Variants in DENND6A observed in about 807,000 individuals in gnomAD.
DENND6A encodes the protein DENN domain containing 6A.
DENND6A carries 43 observed loss-of-function variants against 95.5 expected under a neutral mutation model. That is an observed-to-expected ratio of 0.45 (90% CI 0.35 to 0.58). DENND6A has a LOEUF of 0.58. DENND6A is among the 20% of genes least tolerant of loss of function. The pLI is 0.00. For synonymous variants in DENND6A, 257 were observed against 260.4 expected (o/e 0.99, Z 0.13); for missense variants, 574 against 736.0 (o/e 0.78, Z 2.55).
At chr3:57,662,185 C>CTTT (rs60063768) in intron 5 of DENND6A, among the ~76,000 whole-genome samples, 1,030 of 79,122 alleles carry the variant, frequency 0.013, 40 homozygotes, top group Middle Eastern at 0.057. Context: ...TTTCTTTTTT[C>CTTT]TTTTTTTTTT....
chr3:57,650,051 C>T (rs2071170175), intron 9 of DENND6A, among the ~76,000 whole-genome samples: 1 of 151,938 alleles, frequency 6.6e-6, no homozygotes, highest in Admixed American at 6.6e-5. Context: ...GAAAACCAAA[C>T]ATCATATGTT....
rs1231541217 is a variant in DENND6A, at chr3:57,668,457, GCC to G, written c.320-2224_320-2223del. ...TCCTTGGGCACTCATCACAGCTTAA[GCC>G]TCAGGAACACCTACATCCAGATGAT... On this transcript the variant is annotated intron_variant, in intron 3 of 19. Transcript: ENST00000311128. Among the ~76,000 whole-genome samples the G allele has an allele frequency of 4.1e-3, 631 of 152,230 alleles. 5 individuals are homozygous for G. The highest frequency in any genetic ancestry group is 0.015 in the African/African-American group (612 of 41,544).
At chr3:57,688,215 C>T (rs953798848) in intron 1 of DENND6A, among the ~76,000 whole-genome samples, 1 of 151,954 alleles carries the variant, frequency 6.6e-6, no homozygotes, top group East Asian at 1.9e-4. Flanking sequence ...ACGGCGGTCT[C>T]GAACTCCTGA....
intron 1 of DENND6A, 75 bp downstream of exon 1, chr3:57,692,707 C>G: frequency 2.3e-6 from 3 of 1,319,880 alleles, no homozygotes; most frequent in African/African-American, 1.6e-5. Context: ...CCGGTCAGCC[C>G]GCGGGCCGCT....
At chr3:57,650,687 G>T (rs2071189613) in intron 9 of DENND6A, among the ~76,000 whole-genome samples, 1 of 152,030 alleles carries the variant, frequency 6.6e-6, no homozygotes, top group African/African-American at 2.4e-5. Flanking sequence ...ATACACAAAT[G>T]TGGACAGTAG....
chr3:57,630,348 C>G, intron 18 of DENND6A, 73 bp downstream of exon 18: 3 of 1,350,036 alleles, frequency 2.2e-6, no homozygotes, highest in Middle Eastern at 2.1e-4. Flanking sequence ...AGGGTACAAT[C>G]TTCAACTTCT....
chr3:57,628,539 T>C (rs1055156854), intron 19 of DENND6A, among the ~76,000 whole-genome samples, 194 bp from the exon 20 acceptor site: 28 of 152,214 alleles, frequency 1.8e-4, no homozygotes, highest in African/African-American at 6.5e-4. Flanking sequence ...AAGGCTTCTA[T>C]GTAAATTCAT....
At position 57,659,300 on chromosome 3, in the gene DENND6A, C is replaced by G. The variant is rs1313513527; in HGVS notation, c.700-120G>C. ...AAAAAAGCTACAAAAACAAAATTATCTATGTCAGAGTTAAAAACTAAGGTC... is the reference window on the plus strand; with the variant it reads ...AAAAAAGCTACAAAAACAAAATTATGTATGTCAGAGTTAAAAACTAAGGTC... On this transcript the variant is annotated intron_variant, in intron 7 of 19. Coordinates refer to ENST00000311128, the MANE Select transcript of DENND6A (RefSeq NM_152678.3). 1.9e-5 allele frequency: 19 copies of G among 994,334 alleles called. No individual in the cohort carries two copies. The East Asian group carries it at 3.0e-4, about 16-fold the overall frequency. The allele number at this position is 994,334 out of a possible 1,614,324, so 61.6% of individuals were successfully genotyped here.
At chr3:57,678,005 A>T (rs1357878584) in intron 1 of DENND6A, among the ~76,000 whole-genome samples, 8 of 152,180 alleles carry the variant, frequency 5.3e-5, no homozygotes, top group Non-Finnish European at 1.2e-4. Flanking sequence ...TGAACTACTC[A>T]GCCATTTTTG....
intron 3 of DENND6A, among the ~76,000 whole-genome samples, chr3:57,671,953 T>C (rs2071624741): frequency 6.6e-6 from 1 of 152,196 alleles, no homozygotes; most frequent in East Asian, 1.9e-4. Flanking sequence ...ACATACTATA[T>C]AAACTATTTA....
intron 1 of DENND6A, among the ~76,000 whole-genome samples, chr3:57,684,769 A>T (rs745568785): frequency 1.1e-4 from 16 of 152,168 alleles, no homozygotes; most frequent in Non-Finnish European, 2.1e-4. Context: ...TCTCAAATAA[A>T]TAAATAAAGT....
intron 12 of DENND6A, 46 bp from the exon 13 acceptor site, chr3:57,634,815 A>T (rs377181204): frequency 2.0e-5 from 28 of 1,425,498 alleles, no homozygotes; most frequent in Non-Finnish European, 2.6e-5. Flanking sequence ...CTAATCATAC[A>T]TATTACAAAA....
chr3:57,653,710 C>T (rs1049416941), intron 9 of DENND6A, among the ~76,000 whole-genome samples: 2 of 146,602 alleles, frequency 1.4e-5, no homozygotes, highest in African/African-American at 5.1e-5. Flanking sequence ...CGCACCACTG[C>T]ACTCCGGCCT....
At chr3:57,649,667 T>C (rs1267038459) in intron 9 of DENND6A, among the ~76,000 whole-genome samples, 1 of 147,676 alleles carries the variant, frequency 6.8e-6, no homozygotes, top group African/African-American at 2.5e-5. Context: ...GTTGTATGTG[T>C]GTATATATAT....
At chr3:57,631,427 C>T (rs1335809286) in intron 15 of DENND6A, among the ~76,000 whole-genome samples, 1 of 152,144 alleles carries the variant, frequency 6.6e-6, no homozygotes, top group African/African-American at 2.4e-5. Context: ...AACTCCTGAC[C>T]TCATGATCCA....
intron 3 of DENND6A, among the ~76,000 whole-genome samples, chr3:57,671,608 C>T (rs1187792618): frequency 2.0e-5 from 3 of 151,988 alleles, no homozygotes; most frequent in African/African-American, 7.2e-5. Flanking sequence ...TGTGTGTGGC[C>T]TGAGAAGCTA....
intron 1 of DENND6A, among the ~76,000 whole-genome samples, chr3:57,691,299 A>G (rs1022549827): frequency 6.6e-6 from 1 of 152,186 alleles, no homozygotes; most frequent in Non-Finnish European, 1.5e-5. Context: ...TGTTTTTCTT[A>G]CTTTAATAAG....
chr3:57,640,037 C>T (rs961884386), intron 12 of DENND6A, among the ~76,000 whole-genome samples: 9 of 151,816 alleles, frequency 5.9e-5, no homozygotes, highest in Non-Finnish European at 1.2e-4. Flanking sequence ...TTTGGGAAGC[C>T]GAGGTGGGCG....
chr3:57,671,173 A>T (rs542542753), intron 3 of DENND6A, among the ~76,000 whole-genome samples: 1 of 152,220 alleles, frequency 6.6e-6, no homozygotes, highest in Non-Finnish European at 1.5e-5. Context: ...TGCTAAAAAA[A>T]ATTTTGTTTA....
Sources: gnomAD v4.1 joint callset for allele counts (sites outside exome capture counted in the v4.1 genomes callset) on GRCh38, gnomAD v4.1.1 for gene constraint, MANE v1.5 for transcripts, NCBI Gene and HGNC (gene_info 2026-07-23, HGNC 2026-07-21) for gene names.